SLC39A11: variants seen among roughly 807,000 people sequenced by gnomAD.
SLC39A11 encodes zinc transporter ZIP11.
A neutral mutation model predicts 36.1 loss-of-function variants in SLC39A11; 33 were observed. That is an observed-to-expected ratio of 0.91 (90% confidence interval 0.69 to 1.22). The LOEUF is 1.22. Among genes scored for constraint, SLC39A11 ranks in the 50% most tolerant of loss-of-function variants. The pLI, the probability that SLC39A11 is intolerant of heterozygous loss-of-function variation, is 0.00. For missense variants in SLC39A11, 432 were observed against 430.3 expected (o/e 1.00, Z -0.03); for synonymous variants, 166 against 170.3 (o/e 0.97, Z 0.20).
At chr17:72,728,518 G>A (rs537689857) in intron 7 of SLC39A11, among the ~76,000 whole-genome samples, 2 of 149,974 alleles carry the variant, frequency 1.3e-5, no homozygotes, top group Admixed American at 6.6e-5. Context: ...TTTGCAGATA[G>A]TAAGTATTTC....
At chr17:72,890,997 G>C (rs1374354575) in intron 5 of SLC39A11, among the ~76,000 whole-genome samples, 1 of 151,976 alleles carries the variant, frequency 6.6e-6, no homozygotes, top group Non-Finnish European at 1.5e-5. Context: ...CTGATCACAA[G>C]GGGGTGGAAA....
At chr17:72,758,358 G>T (rs1444835249) in intron 6 of SLC39A11, among the ~76,000 whole-genome samples, 1 of 152,176 alleles carries the variant, frequency 6.6e-6, no homozygotes, top group East Asian at 1.9e-4. Flanking sequence ...GCTACATGTG[G>T]CATGCTCTGG....
intron 6 of SLC39A11, among the ~76,000 whole-genome samples, chr17:72,793,499 C>T (rs1231796677): frequency 6.6e-6 from 1 of 152,046 alleles, no homozygotes; most frequent in Non-Finnish European, 1.5e-5. Flanking sequence ...CATGTGATGG[C>T]AGATTGGATT....
At chr17:72,804,502 G>A (rs1254386244) in intron 6 of SLC39A11, among the ~76,000 whole-genome samples, 1 of 152,196 alleles carries the variant, frequency 6.6e-6, no homozygotes, top group Non-Finnish European at 1.5e-5. Flanking sequence ...CAATTTAACT[G>A]TGCCTGTAAG....
intron 7 of SLC39A11, among the ~76,000 whole-genome samples, chr17:72,673,030 G>A (rs1194606446): frequency 6.6e-6 from 1 of 152,200 alleles, no homozygotes; most frequent in Non-Finnish European, 1.5e-5. Context: ...CCACAAAGCT[G>A]AAGATACCCG....
intron 6 of SLC39A11, among the ~76,000 whole-genome samples, chr17:72,806,774 G>A (rs1027365928): frequency 1.3e-5 from 2 of 152,134 alleles, no homozygotes; most frequent in African/African-American, 4.8e-5. Flanking sequence ...GTAGAGACGG[G>A]GTTGTGCCAT....
In SLC39A11 at chr17:73,010,107, T is replaced by C. The variant is rs150520569; in HGVS notation, c.306+21449A>G. Among the ~76,000 whole-genome samples, 1,269 of 152,154 alleles carry C rather than the reference T, an allele frequency of 8.3e-3. 13 individuals carry two copies. The highest frequency in any genetic ancestry group is 0.029 in the African/African-American group (1,213 of 41,516). ...TCTGGACTGACTGTGGTTCTCTGAC[T>C]AGAGGGAGCATCTAAGTCCCCTGGA... On this transcript the variant is annotated intron_variant, in intron 4 of 9. Coordinates refer to ENST00000255559, the MANE Select transcript of SLC39A11 (RefSeq NM_139177.4).
intron 3 of SLC39A11, among the ~76,000 whole-genome samples, chr17:73,076,179 G>C (rs988634475): frequency 2.0e-5 from 3 of 150,814 alleles, no homozygotes; most frequent in Non-Finnish European, 2.9e-5. Flanking sequence ...AAAAGTCAAG[G>C]CTAGACACAA....
chr17:72,902,910 G>T (rs1457158536), intron 5 of SLC39A11, among the ~76,000 whole-genome samples: 1 of 151,086 alleles, frequency 6.6e-6, no homozygotes, highest in Admixed American at 6.6e-5. Flanking sequence ...GAATTATTTT[G>T]TTTTTTGTTC....
chr17:72,706,454 A>G (rs945246937), intron 7 of SLC39A11, among the ~76,000 whole-genome samples: 2 of 152,088 alleles, frequency 1.3e-5, no homozygotes, highest in Admixed American at 6.5e-5. Context: ...TGTCTTGCCA[A>G]CTCTGTAGTG....
intron 4 of SLC39A11, among the ~76,000 whole-genome samples, chr17:72,991,818 T>C (rs1440751997): frequency 6.6e-6 from 1 of 152,244 alleles, no homozygotes; most frequent in Non-Finnish European, 1.5e-5. Context: ...GGGTTCCCTG[T>C]GTACATTCGC....
chr17:72,868,574 T>C (rs2080426449), intron 5 of SLC39A11, among the ~76,000 whole-genome samples: 1 of 121,616 alleles, frequency 8.2e-6, no homozygotes, highest in African/African-American at 3.3e-5. Context: ...TTGAGACCAG[T>C]AGTTCAAGAC....
At chr17:72,676,169 G>C (rs928392528) in intron 7 of SLC39A11, among the ~76,000 whole-genome samples, 1 of 151,706 alleles carries the variant, frequency 6.6e-6, no homozygotes, top group African/African-American at 2.4e-5. Flanking sequence ...AGAAACACCT[G>C]CCTTATTTGC....
At chr17:72,808,134 A>G (rs917773244) in intron 6 of SLC39A11, among the ~76,000 whole-genome samples, 1 of 152,212 alleles carries the variant, frequency 6.6e-6, no homozygotes, top group Admixed American at 6.5e-5. Context: ...ATCACTGGTC[A>G]TATTTAATTG....
intron 4 of SLC39A11, among the ~76,000 whole-genome samples, chr17:72,960,402 G>C (rs776470951): frequency 3.9e-5 from 6 of 152,164 alleles, no homozygotes; most frequent in Non-Finnish European, 7.3e-5. Flanking sequence ...TAGGTAGGTA[G>C]GTAGGTAGAT....
Position 72,959,351 on chromosome 17 carries a change from A to G in SLC39A11, c.307-11476T>C, listed in dbSNP as rs1042613576. On this transcript the variant is annotated intron_variant, in intron 4 of 9. Transcript: ENST00000255559. ...TATATATATATATATATATATATAT[A>G]TATATATATATATATGATCGAATAC... Among the ~76,000 whole-genome samples the G allele has an allele frequency of 7.1e-5, 10 of 140,528 alleles. 1 individual carries two copies. The highest frequency in any genetic ancestry group is 2.7e-4 in the African/African-American group (10 of 37,478). 92.2% of individuals were successfully genotyped at this position (140,528 alleles called of 152,430 possible).
chr17:72,958,502 GA>G (rs1219202282), intron 4 of SLC39A11, among the ~76,000 whole-genome samples: 1 of 152,052 alleles, frequency 6.6e-6, no homozygotes, highest in African/African-American at 2.4e-5. Context: ...AAATCAGTAA[GA>G]AAAAAACAAA....
intron 7 of SLC39A11, among the ~76,000 whole-genome samples, chr17:72,698,554 T>A (rs1006715365): frequency 6.6e-6 from 1 of 152,054 alleles, no homozygotes; most frequent in Middle Eastern, 3.4e-3. Context: ...ATTCTCCTTT[T>A]TGGGTGTTTG....
chr17:73,073,111 T>A (rs1394395855), intron 3 of SLC39A11, among the ~76,000 whole-genome samples: 3 of 151,932 alleles, frequency 2.0e-5, no homozygotes, highest in Non-Finnish European at 4.4e-5. Flanking sequence ...ACCCAGGAGG[T>A]GGAGGCTGCA....
Sources: gnomAD v4.1 joint callset for allele counts (sites outside exome capture counted in the v4.1 genomes callset) on GRCh38, gnomAD v4.1.1 for gene constraint, MANE v1.5 for transcripts, NCBI Gene and HGNC (gene_info 2026-07-23, HGNC 2026-07-21) for gene names.